The following PRSS38 variants were observed in gnomAD, a reference collection of about 807,000 sequenced individuals.
PRSS38 encodes the protein serine protease 38.
In PRSS38, 22 loss-of-function variants were observed where a neutral mutation model predicts 26.8. That is an observed-to-expected ratio of 0.82 (90% CI 0.59 to 1.17). PRSS38 has a LOEUF of 1.17. Ranked by LOEUF, PRSS38 falls within the 50% of genes most tolerant of loss-of-function variation. The pLI is 0.00. For synonymous variants in PRSS38, 175 were observed against 172.1 expected (o/e 1.02, Z -0.13); for missense variants, 427 against 422.7 (o/e 1.01, Z -0.09).
chr1:227,817,525 C>T (rs756089729), intron 3 of PRSS38, 45 bp downstream of exon 3: 4 of 1,592,592 alleles, frequency 2.5e-6, no homozygotes, highest in African/African-American at 2.7e-5. Context: ...GAAGGCTTCT[C>T]TTCCACCACA....
At chr1:227,835,329 G>A (rs1242296522) in intron 3 of PRSS38, among the ~76,000 whole-genome samples, 3 of 152,170 alleles carry the variant, frequency 2.0e-5, no homozygotes, top group Non-Finnish European at 4.4e-5. Context: ...CACTTCGGGA[G>A]GCCAAGGCAG....
intron 3 of PRSS38, among the ~76,000 whole-genome samples, chr1:227,841,638 C>A (rs1463204602): frequency 6.6e-6 from 1 of 152,112 alleles, no homozygotes; most frequent in Non-Finnish European, 1.5e-5. Context: ...TAATCCTTGA[C>A]CACATTTTTC....
chr1:227,845,571 C>G, exon 4 of PRSS38: 1 of 1,613,740 alleles, frequency 6.2e-7, no homozygotes, highest in Non-Finnish European at 8.5e-7. Flanking sequence ...GCCCGACATG[C>G]TGTGTGCTGG....
At chr1:227,823,114 C>A (rs1018929903) in intron 3 of PRSS38, among the ~76,000 whole-genome samples, 1 of 151,828 alleles carries the variant, frequency 6.6e-6, no homozygotes, top group Non-Finnish European at 1.5e-5. Flanking sequence ...CTTGCTGAGT[C>A]TCCAATGCAT....
chr1:227,816,153 G>A lies in PRSS38; in HGVS notation c.212G>A (p.Trp71Ter). The A allele has an allele frequency of 6.2e-7, 1 of 1,613,614 alleles. No individual in the cohort carries two copies. ...GGCGTCCCTGCGCCCGAGAGGAAGTGGCCGTGGCAGGTCAGCGTGCACTAC... is the reference window on the plus strand; with the variant it reads ...GGCGTCCCTGCGCCCGAGAGGAAGTAGCCGTGGCAGGTCAGCGTGCACTAC... The change falls in exon 2 of 5, where the codon TGG becomes TAG. Residue 71 changes from tryptophan (W) to a stop codon, truncating the protein, a stop_gained. Coordinates refer to ENST00000366757, the Ensembl canonical transcript of PRSS38. LOFTEE classifies it high-confidence loss of function. The surrounding 1 kb of genome is among the most constrained non-coding windows in gnomAD (Gnocchi z 5.1).
chr1:227,818,196 C>CTA (rs1664950292), intron 3 of PRSS38, among the ~76,000 whole-genome samples: 1 of 152,136 alleles, frequency 6.6e-6, no homozygotes, highest in Non-Finnish European at 1.5e-5. Context: ...TAATGGTTCA[C>CTA]TATAGCATTT....
At chr1:227,822,991 G>A (rs988237806) in intron 3 of PRSS38, among the ~76,000 whole-genome samples, 3 of 152,084 alleles carry the variant, frequency 2.0e-5, no homozygotes, top group African/African-American at 7.2e-5. Context: ...TTTGCTACAT[G>A]GATATATTGC....
At chr1:227,842,788 G>T (rs1347788289) in intron 3 of PRSS38, among the ~76,000 whole-genome samples, 1 of 151,994 alleles carries the variant, frequency 6.6e-6, no homozygotes, top group Non-Finnish European at 1.5e-5. Flanking sequence ...TGTTGGTCAG[G>T]GTGGTCTCGA....
chr1:227,828,868 T>A (rs1026473670), intron 3 of PRSS38, among the ~76,000 whole-genome samples: 4 of 152,132 alleles, frequency 2.6e-5, no homozygotes, highest in Admixed American at 1.3e-4. Flanking sequence ...CTGTCAGGAC[T>A]CCACACAGCT....
chr1:227,844,496 T>G lies in PRSS38; in HGVS notation c.584-974T>G, dbSNP rs1296023449. ...CTGTGTGGTGGGACTCCTCCCTATGTGTGGTCAGTGCTCCTTCCGGTTTGT... is the reference window on the plus strand; with the variant it reads ...CTGTGTGGTGGGACTCCTCCCTATGGGTGGTCAGTGCTCCTTCCGGTTTGT... On this transcript the variant is annotated intron_variant, in intron 3 of 4. Transcript: ENST00000366757. Among the ~76,000 whole-genome samples, 4 of 150,904 alleles carry G rather than the reference T, an allele frequency of 2.7e-5. No individual in the cohort carries two copies. In the South Asian group the frequency reaches 6.3e-4, roughly 24 times the overall value.
At position 227,816,902 on chromosome 1, in the gene PRSS38, C is replaced by T. The variant is rs115143563; in HGVS notation, c.312-307C>T. On this transcript the variant is annotated intron_variant, in intron 2 of 4. Coordinates refer to ENST00000366757, the Ensembl canonical transcript of PRSS38. This position sits in a 1 kb window ranked among gnomAD's most constrained non-coding sequence, Gnocchi z 5.1. ...CACGCCTCTCCTGTGGCCATCTGGC[C>T]TCCAGAGGGATGTGTGCAACCAGGT... 9.5e-3 allele frequency among the ~76,000 whole-genome samples: 1,447 copies of T among 152,332 alleles called. 20 individuals carry two copies. The highest frequency in any genetic ancestry group is 0.033 in the African/African-American group (1,378 of 41,572).
intron 3 of PRSS38, among the ~76,000 whole-genome samples, chr1:227,821,895 C>G (rs1240644591): frequency 6.6e-6 from 1 of 152,006 alleles, no homozygotes; most frequent in Non-Finnish European, 1.5e-5. Flanking sequence ...AATTTTGGAC[C>G]ATTATTTCTT....
In PRSS38 at chr1:227,816,200, G is replaced by A. The variant is rs140039939; in HGVS notation, c.259G>A (p.Gly87Ser). Residue 87 changes from glycine (G) to serine (S), a missense_variant, in exon 2 of 5, where the codon GGC becomes AGC. Gly to Ser is a moderately conservative substitution (Grantham distance 56, BLOSUM62 0). Coordinates refer to ENST00000366757, the Ensembl canonical transcript of PRSS38. The surrounding 1 kb of genome is among the most constrained non-coding windows in gnomAD (Gnocchi z 5.1). ...CTACGCAGGCCTCCACGTCTGCGGCGGCTCCATCCTCAATGAGTACTGGGT... is the reference window on the plus strand; with the variant it reads ...CTACGCAGGCCTCCACGTCTGCGGCAGCTCCATCCTCAATGAGTACTGGGT... 2.4e-5 allele frequency: 38 copies of A among 1,613,538 alleles called. No individual in the cohort carries two copies. The highest frequency in any genetic ancestry group is 1.6e-4 in the Middle Eastern group (1 of 6,082).
chr1:227,837,278 A>G (rs1665251484), intron 3 of PRSS38, among the ~76,000 whole-genome samples: 2 of 152,180 alleles, frequency 1.3e-5, no homozygotes, highest in Admixed American at 1.3e-4. Context: ...CAAGGTAAAC[A>G]CTATTCTGAA....
intron 3 of PRSS38, among the ~76,000 whole-genome samples, chr1:227,833,365 T>TA (rs1356790897): frequency 2.6e-5 from 4 of 152,014 alleles, no homozygotes; most frequent in African/African-American, 9.7e-5. Context: ...CCATCTCTAC[T>TA]AAAAATACAA....
intron 3 of PRSS38, among the ~76,000 whole-genome samples, chr1:227,841,637 A>G (rs1317285492): frequency 6.6e-6 from 1 of 152,156 alleles, no homozygotes; most frequent in East Asian, 1.9e-4. Context: ...GTAATCCTTG[A>G]CCACATTTTT....
At chr1:227,845,845 C>T (rs548001115) in intron 4 of PRSS38, 109 bp from the exon 5 acceptor site, 16 of 1,459,450 alleles carry the variant, frequency 1.1e-5, no homozygotes, top group Non-Finnish European at 1.4e-5. Context: ...GGGCACTGGC[C>T]CCTTCCAGCA....
At chr1:227,834,794 C>T (rs1572087884) in intron 3 of PRSS38, among the ~76,000 whole-genome samples, 1 of 152,248 alleles carries the variant, frequency 6.6e-6, no homozygotes, top group Admixed American at 6.5e-5. Context: ...TGCACCACTG[C>T]ACTCCAGCCT....
chr1:227,816,330 C>T lies in PRSS38; in HGVS notation c.311+78C>T, dbSNP rs966324223. On this transcript the variant is annotated intron_variant, in intron 2 of 4. Transcript: ENST00000366757. The surrounding 1 kb of genome is among the most constrained non-coding windows in gnomAD (Gnocchi z 5.1). ...CCCACAGCGGCTTGGATGGACCCCA[C>T]GCAAGCCTCCCCCATCACCATTGTC... The T allele has an allele frequency of 2.9e-5, 41 of 1,423,056 alleles. No individual in the cohort carries two copies. In the Admixed American group the frequency reaches 3.2e-4, roughly 11 times the overall value. The allele number at this position is 1,423,056 out of a possible 1,614,324, so 88.2% of individuals were successfully genotyped here.
Sources: allele counts gnomAD v4.1 joint callset (sites outside exome capture counted in the v4.1 genomes callset), GRCh38; gene constraint gnomAD v4.1.1; non-coding constraint Gnocchi (gnomAD v3.1); transcripts MANE v1.5; gene names NCBI Gene and HGNC (gene_info 2026-07-23, HGNC 2026-07-21).